Variants in TMEM169 observed in about 807,000 individuals in gnomAD.
The protein encoded by TMEM169 is transmembrane protein 169.
A neutral mutation model predicts 27.3 loss-of-function variants in TMEM169; 18 were observed. The ratio of observed to expected loss-of-function variants is 0.66; its 90% CI spans 0.46 to 0.98. TMEM169 has a LOEUF of 0.98. TMEM169 is among the 50% of genes least tolerant of loss of function. The pLI, the probability that TMEM169 is intolerant of heterozygous loss-of-function variation, is 0.00. For synonymous variants in TMEM169, 136 were observed against 142.1 expected (o/e 0.96, Z 0.30); for missense variants, 320 against 368.6 (o/e 0.87, Z 1.08).
chr2:216,087,925 G>A (rs770765807), intron 1 of TMEM169, among the ~76,000 whole-genome samples: 1 of 152,082 alleles, frequency 6.6e-6, no homozygotes, highest in South Asian at 2.1e-4. Flanking sequence ...TTGGGAGGCC[G>A]AGGCAGATGG....
chr2:216,101,803 C>T lies in TMEM169; in HGVS notation c.*1261C>T, dbSNP rs1469603194. The T allele has an allele frequency of 6.6e-6, 1 of 152,180 alleles. No homozygotes were observed. The highest frequency in any genetic ancestry group is 1.5e-5 in the Non-Finnish European group (1 of 68,036). The allele number at this position is 152,180 out of a possible 1,614,324, so 9.4% of individuals were successfully genotyped here. A position where few individuals can be genotyped will look rare whatever the true frequency, so the allele number is the denominator to read the frequency against. On this transcript the variant is annotated 3_prime_UTR_variant, in exon 3 of 3. Coordinates refer to ENST00000437356, the MANE Select transcript of TMEM169 (RefSeq NM_001142311.2). The stretch of plus-strand genomic sequence containing the variant: ...GGTAGGCAAGTCAGAATCTTTGCCT[C>T]ACAATGATCATTTAAATACATTCAG...
intron 1 of TMEM169, among the ~76,000 whole-genome samples, chr2:216,092,508 T>C (rs1696157076): frequency 1.3e-5 from 2 of 152,154 alleles, no homozygotes; most frequent in South Asian, 4.1e-4. Context: ...TGTGTTCACT[T>C]TGCCCTGCCA....
At chr2:216,096,339 T>C in intron 2 of TMEM169, 105 bp downstream of exon 2, 2 of 1,319,374 alleles carry the variant, frequency 1.5e-6, no homozygotes, top group South Asian at 3.0e-5. Context: ...TTCTTGGTGA[T>C]ACATTTCTTC....
intron 1 of TMEM169, among the ~76,000 whole-genome samples, chr2:216,085,623 C>T (rs1180684505): frequency 6.6e-6 from 1 of 152,174 alleles, no homozygotes; most frequent in Non-Finnish European, 1.5e-5. Flanking sequence ...GTAATCCCAG[C>T]ACTTTGGGAG....
rs1249326947 is a variant in TMEM169, at chr2:216,100,042, C to G, written c.394C>G (p.Leu132Val). ...ATTGACAGAGAAAGAGCTGCAGGAA[C>G]TGACCAAACCTAAAGAGTCATCAAG... is the stretch of plus-strand genomic sequence containing the variant. ...VTLTEKELQELTKPKESSRET... is the reference protein window; with the variant it reads ...VTLTEKELQEVTKPKESSRET... Residue 132 changes from leucine (L) to valine (V), a missense_variant, in exon 3 of 3, where the codon CTG becomes GTG. Leu to Val is a conservative substitution (Grantham distance 32). Coordinates refer to ENST00000437356, the MANE Select transcript of TMEM169 (RefSeq NM_001142311.2). 1.2e-6 allele frequency: 2 copies of G among 1,614,074 alleles called. No individual in the cohort carries two copies. The highest frequency in any genetic ancestry group is 1.7e-6 in the Non-Finnish European group (2 of 1,180,034).
rs1476945205 is a variant in TMEM169, at chr2:216,100,428, G to A, written c.780G>A (p.Leu260=). ...TCTGTGGCTGGCTCTGCAGCAAGCTGGGTCTGGAGGACTGTTCTCCCTACA... is the reference window on the plus strand; with the variant it reads ...TCTGTGGCTGGCTCTGCAGCAAGCTAGGTCTGGAGGACTGTTCTCCCTACA... ...KGFCGWLCSK[L]GLEDCSPYSI... Residue 260 remains leucine, a synonymous_variant, in exon 3 of 3, where the codon CTG becomes CTA. Coordinates refer to ENST00000437356, the MANE Select transcript of TMEM169 (RefSeq NM_001142311.2). 2.5e-6 allele frequency: 4 copies of A among 1,613,766 alleles called. No homozygotes were observed. The African/African-American group carries it at 5.3e-5, about 22-fold the overall frequency.
At chr2:216,094,489 T>A (rs1559227575) in intron 1 of TMEM169, among the ~76,000 whole-genome samples, 1 of 152,310 alleles carries the variant, frequency 6.6e-6, no homozygotes, top group East Asian at 1.9e-4. Flanking sequence ...TTAATGGGTA[T>A]AGTCAATGGC....
At chr2:216,098,564 C>T (rs1559229275) in intron 2 of TMEM169, among the ~76,000 whole-genome samples, 1 of 152,176 alleles carries the variant, frequency 6.6e-6, no homozygotes, top group Non-Finnish European at 1.5e-5. Context: ...CAGGGCCCTG[C>T]TCTTTAGGTG....
At chr2:216,098,336 A>G (rs1271309259) in intron 2 of TMEM169, among the ~76,000 whole-genome samples, 1 of 152,148 alleles carries the variant, frequency 6.6e-6, no homozygotes. Context: ...AAAGCTGGAG[A>G]AGAGAAGCTG....
At chr2:216,084,910 G>A (rs554670211) in intron 1 of TMEM169, among the ~76,000 whole-genome samples, 112 of 152,296 alleles carry the variant, frequency 7.4e-4, no homozygotes, top group African/African-American at 2.7e-3. Flanking sequence ...AGGTCCTTAG[G>A]CCACATGGAC....
At chr2:216,083,514 G>A (rs1695922873) in intron 1 of TMEM169, among the ~76,000 whole-genome samples, 1 of 152,142 alleles carries the variant, frequency 6.6e-6, no homozygotes, top group South Asian at 2.1e-4. Context: ...TTATGCCCTG[G>A]TCTGGACCTA....
At chr2:216,094,419 A>G (rs988065187) in intron 1 of TMEM169, among the ~76,000 whole-genome samples, 3 of 152,222 alleles carry the variant, frequency 2.0e-5, no homozygotes, top group African/African-American at 7.2e-5. Context: ...GCATGAGAGT[A>G]TTCTAGCTAA....
At chr2:216,085,021 C>A (rs1445725050) in intron 1 of TMEM169, among the ~76,000 whole-genome samples, 1 of 152,136 alleles carries the variant, frequency 6.6e-6, no homozygotes, top group Non-Finnish European at 1.5e-5. Flanking sequence ...TGGAGTCTGG[C>A]TCTGTATCCC....
intron 1 of TMEM169, among the ~76,000 whole-genome samples, chr2:216,086,945 T>C (rs1201610775): frequency 3.9e-5 from 6 of 152,194 alleles, no homozygotes; most frequent in Admixed American, 3.3e-4. Context: ...ATTTATGAAG[T>C]GTCAGTCACA....
intron 1 of TMEM169, among the ~76,000 whole-genome samples, chr2:216,092,360 T>A (rs184989953): frequency 5.2e-4 from 79 of 152,320 alleles, no homozygotes; most frequent in South Asian, 8.3e-4. Flanking sequence ...TGTTTTTTTT[T>A]AATTAAATTA....
chr2:216,095,081 C>T (rs1696230180), intron 1 of TMEM169, among the ~76,000 whole-genome samples: 2 of 145,334 alleles, frequency 1.4e-5, no homozygotes, highest in Admixed American at 1.4e-4. Context: ...GAATACTGGT[C>T]CCAGCCACCT....
At chr2:216,091,127 A>G (rs1209721079) in intron 1 of TMEM169, among the ~76,000 whole-genome samples, 2 of 152,222 alleles carry the variant, frequency 1.3e-5, no homozygotes, top group South Asian at 2.1e-4. Context: ...GTTAATTTCC[A>G]AAAACATGTT....
intron 1 of TMEM169, among the ~76,000 whole-genome samples, chr2:216,092,458 G>A (rs1251350727): frequency 1.3e-5 from 2 of 151,886 alleles, no homozygotes; most frequent in African/African-American, 2.4e-5. Context: ...ACTTTTTAAT[G>A]TTTATAAGGC....
intron 1 of TMEM169, among the ~76,000 whole-genome samples, chr2:216,088,240 A>C (rs1166875081): frequency 6.6e-6 from 1 of 152,030 alleles, no homozygotes; most frequent in East Asian, 1.9e-4. Context: ...CGGGCAGATC[A>C]CAAGGTCAGG....
Sources: allele counts gnomAD v4.1 joint callset (sites outside exome capture counted in the v4.1 genomes callset), GRCh38; gene constraint gnomAD v4.1.1; transcripts MANE v1.5; gene names NCBI Gene and HGNC (gene_info 2026-07-23, HGNC 2026-07-21).